The following VPS54 variants were observed in gnomAD, a reference collection of about 807,000 sequenced individuals.
The protein encoded by VPS54 is vacuolar protein sorting-associated protein 54.
Under a neutral mutation model 121.5 loss-of-function variants are expected in VPS54, and 45 were observed. That is an observed-to-expected ratio of 0.37 (90% CI 0.29 to 0.47). VPS54 has a LOEUF of 0.47. Among genes scored for constraint, VPS54 ranks in the 20% least tolerant of loss-of-function variants. VPS54 has a pLI of 0.99. For missense variants in VPS54, 1,090 were observed against 1,131.4 expected (o/e 0.96, Z 0.52); for synonymous variants, 371 against 385.8 (o/e 0.96, Z 0.45).
At chr2:63,932,883 G>A (rs1393999499) in intron 12 of VPS54, among the ~76,000 whole-genome samples, 1 of 152,034 alleles carries the variant, frequency 6.6e-6, no homozygotes, top group East Asian at 1.9e-4. Flanking sequence ...TTGTATCAAT[G>A]TTTCCTTGTA....
At chr2:64,002,717 T>A (rs1677945433) in intron 1 of VPS54, among the ~76,000 whole-genome samples, 1 of 152,220 alleles carries the variant, frequency 6.6e-6, no homozygotes, top group African/African-American at 2.4e-5. Flanking sequence ...GTTTACTCTT[T>A]AAAGATTTTG....
Position 63,912,520 on chromosome 2 carries a change from G to A in VPS54, c.2544+20C>T. On this transcript the variant is annotated intron_variant, in intron 19 of 22. Coordinates refer to ENST00000272322, the MANE Select transcript of VPS54 (RefSeq NM_016516.3). Reference sequence around the variant, plus strand: ...GATCTAAACTTATGAAACGCCAATAGAAAATATATGAAAAAGTACCTTAGT... The same window carrying A: ...GATCTAAACTTATGAAACGCCAATAAAAAATATATGAAAAAGTACCTTAGT... 1.2e-6 allele frequency: 2 copies of A among 1,611,718 alleles called. No individual in the cohort carries two copies. Among genetic ancestry groups the A allele is most frequent in the Non-Finnish European group, 1.7e-6 (2 of 1,179,326 alleles).
chr2:63,909,865 C>T (rs1048566116), intron 20 of VPS54, among the ~76,000 whole-genome samples: 2 of 151,194 alleles, frequency 1.3e-5, no homozygotes, highest in African/African-American at 4.9e-5. Context: ...GCTGGGATTA[C>T]AGGTGCCCAC....
At chr2:63,968,521 G>A (rs1201770175) in intron 5 of VPS54, among the ~76,000 whole-genome samples, 3 of 151,772 alleles carry the variant, frequency 2.0e-5, no homozygotes, top group Admixed American at 6.6e-5. Flanking sequence ...AGACCAGCCC[G>A]GCCAACACGG....
chr2:63,948,232 G>C (rs976758477), intron 8 of VPS54, among the ~76,000 whole-genome samples: 7 of 151,338 alleles, frequency 4.6e-5, no homozygotes, highest in African/African-American at 1.7e-4. Context: ...TACTTAGGCA[G>C]TTATCAGGGT....
chr2:63,985,517 T>C (rs974357449), intron 1 of VPS54, among the ~76,000 whole-genome samples: 1 of 152,034 alleles, frequency 6.6e-6, no homozygotes, highest in African/African-American at 2.4e-5. Context: ...GCTTTAAAAA[T>C]ACACAAAGAT....
intron 20 of VPS54, among the ~76,000 whole-genome samples, chr2:63,902,182 G>A (rs867967465): frequency 6.6e-6 from 1 of 152,306 alleles, no homozygotes; most frequent in African/African-American, 2.4e-5. Flanking sequence ...AGAAGAACAA[G>A]CATTTCCCCT....
In VPS54 at chr2:63,922,682, C is replaced by T. The variant is rs576644445; in HGVS notation, c.1740-1347G>A. Among the ~76,000 whole-genome samples, 5 of 152,244 alleles carry T rather than the reference C, an allele frequency of 3.3e-5. No homozygotes were observed. In the East Asian group the frequency reaches 9.6e-4, roughly 29 times the overall value. On this transcript the variant is annotated intron_variant, in intron 12 of 22. Transcript: ENST00000272322. ...AACCTAGACTTAGTCTACTTCTAAT[C>T]GATTAAGCTTCCTCTGCTCCGACAT...
intron 20 of VPS54, among the ~76,000 whole-genome samples, chr2:63,909,069 A>G (rs1439025993): frequency 6.6e-6 from 1 of 152,188 alleles, no homozygotes; most frequent in African/African-American, 2.4e-5. Flanking sequence ...TGCCTCATTC[A>G]TAAAACTTTC....
At chr2:63,940,981 G>A (rs1325996891) in intron 11 of VPS54, among the ~76,000 whole-genome samples, 1 of 152,180 alleles carries the variant, frequency 6.6e-6, no homozygotes, top group East Asian at 1.9e-4. Flanking sequence ...TTGTGAACCT[G>A]ATTGGAGAGC....
chr2:63,905,706 A>C (rs1478644043), intron 20 of VPS54, among the ~76,000 whole-genome samples: 1 of 152,108 alleles, frequency 6.6e-6, no homozygotes, highest in Non-Finnish European at 1.5e-5. Flanking sequence ...TCTGATACCA[A>C]AATCAAATAG....
chr2:64,017,883 T>C (rs1457022553), intron 1 of VPS54, among the ~76,000 whole-genome samples: 2 of 152,216 alleles, frequency 1.3e-5, no homozygotes, highest in Non-Finnish European at 2.9e-5. Flanking sequence ...TCAACATCCA[T>C]TTCTAGGAAA....
At chr2:63,902,995 TAACATAACAC>T (rs1270581401) in intron 20 of VPS54, among the ~76,000 whole-genome samples, 3 of 151,860 alleles carry the variant, frequency 2.0e-5, no homozygotes, top group Non-Finnish European at 4.4e-5. Context: ...TAACATAACA[TAACATAACAC>T]AACATAACAT....
At chr2:63,938,031 T>C (rs547797040) in intron 11 of VPS54, among the ~76,000 whole-genome samples, 1 of 127,562 alleles carries the variant, frequency 7.8e-6, no homozygotes, top group South Asian at 2.4e-4. Context: ...TTGGGGAAAG[T>C]GGAAACGTGT....
chr2:63,947,148 A>G (rs1292288410), intron 9 of VPS54, among the ~76,000 whole-genome samples: 1 of 152,060 alleles, frequency 6.6e-6, no homozygotes, highest in African/African-American at 2.4e-5. Context: ...ATATGTATAA[A>G]ATCATATACA....
chr2:63,923,317 AG>A (rs1673736558), intron 12 of VPS54, among the ~76,000 whole-genome samples: 2 of 152,150 alleles, frequency 1.3e-5, no homozygotes, highest in Admixed American at 6.5e-5. Flanking sequence ...AAAAAAAAAA[AG>A]AAAAAAAAAT....
At chr2:63,897,353 A>G (rs565851176) in intron 22 of VPS54, 143 bp downstream of exon 22, 165 of 495,692 alleles carry the variant, frequency 3.3e-4, no homozygotes, top group East Asian at 4.4e-4. Flanking sequence ...TCCACAGGGG[A>G]AAAAAAAAAC....
chr2:63,982,582 C>T (rs1676847504), intron 2 of VPS54, among the ~76,000 whole-genome samples: 1 of 152,160 alleles, frequency 6.6e-6, no homozygotes, highest in African/African-American at 2.4e-5. Flanking sequence ...CAGTATACAT[C>T]ATTGATTCAC....
intron 20 of VPS54, among the ~76,000 whole-genome samples, chr2:63,910,022 C>G (rs2104426529): frequency 6.6e-6 from 1 of 152,282 alleles, no homozygotes; most frequent in African/African-American, 2.4e-5. Flanking sequence ...GCCACCGTGC[C>G]TGGCCACTTA....
Sources: gnomAD v4.1 joint callset for allele counts (sites outside exome capture counted in the v4.1 genomes callset) on GRCh38, gnomAD v4.1.1 for gene constraint, MANE v1.5 for transcripts, NCBI Gene and HGNC (gene_info 2026-07-23, HGNC 2026-07-21) for gene names.